The following TRPV2 variants were observed in gnomAD, a reference collection of about 807,000 sequenced individuals.
TRPV2 encodes OTRPC2.
Under a neutral mutation model 91.0 loss-of-function variants are expected in TRPV2, and 58 were observed. That is an observed-to-expected ratio of 0.64 (90% CI 0.52 to 0.79). The LOEUF is 0.79. TRPV2 is among the 30% of genes least tolerant of loss of function. The pLI is 0.00. For missense variants in TRPV2, 807 were observed against 969.6 expected (o/e 0.83, Z 2.23); for synonymous variants, 417 against 414.8 (o/e 1.01, Z -0.06).
chr17:16,428,581 G>T (rs554858783), intron 9 of TRPV2, 194 bp downstream of exon 9: 136 of 715,804 alleles, frequency 1.9e-4, no homozygotes, highest in South Asian at 1.7e-3. Flanking sequence ...CACTGTAGAT[G>T]GTGATAGTGA....
chr17:16,426,908 T>G lies in TRPV2; in HGVS notation c.1251+31T>G. The stretch of plus-strand genomic sequence containing the variant: ...GGCGTGAGGTTTGGGGGGGCACATC[T>G]TGGGGGAGGCCTGCTTGAAACAACC... On this transcript the variant is annotated intron_variant, in intron 7 of 14. Transcript: ENST00000338560. The surrounding 1 kb of genome is among the most constrained non-coding windows in gnomAD (Gnocchi z 6.0). The G allele has an allele frequency of 6.5e-7, 1 of 1,530,406 alleles. No individual in the cohort carries two copies. 94.8% of individuals were successfully genotyped at this position (1,530,406 alleles called of 1,614,324 possible).
At chr17:16,431,477 T>C (rs1029485883) in intron 10 of TRPV2, among the ~76,000 whole-genome samples, 2 of 151,308 alleles carry the variant, frequency 1.3e-5, no homozygotes, top group African/African-American at 4.9e-5. Context: ...TTTTGTATTT[T>C]TAGTAGAAAC....
intron 10 of TRPV2, among the ~76,000 whole-genome samples, chr17:16,429,865 CT>C (rs1258444350): frequency 0.015 from 2,145 of 144,172 alleles, 52 homozygotes; most frequent in African/African-American, 0.05. Context: ...TAACATGGAA[CT>C]TTTTTTTTTT....
At position 16,426,200 on chromosome 17, in the gene TRPV2, C is replaced by T; in HGVS notation, c.1026C>T (p.Asp342=). ...CYGPVRVSLY[D]LASVDSCEEN... is the part of the protein sequence containing the mutation. The stretch of plus-strand genomic sequence containing the variant: ...GGCCTGTCCGGGTGTCGCTGTATGA[C>T]CTGGCTTCTGTGGACAGCTGTGAGG... Residue 342 remains aspartate (D), a synonymous_variant, in exon 6 of 15, where the codon GAC becomes GAT. Transcript: ENST00000338560. This position sits in a 1 kb window ranked among gnomAD's most constrained non-coding sequence, Gnocchi z 6.0. 1.9e-6 allele frequency: 3 copies of T among 1,614,194 alleles called. No individual in the cohort carries two copies. The highest frequency in any genetic ancestry group is 1.1e-5 in the South Asian group (1 of 91,078).
chr17:16,432,651 C>T (rs1051632532), intron 12 of TRPV2, among the ~76,000 whole-genome samples: 2 of 151,820 alleles, frequency 1.3e-5, no homozygotes, highest in East Asian at 1.9e-4. Context: ...TATGTTGCCC[C>T]GGCCTCAGGT....
Position 16,426,574 on chromosome 17 carries a change from G to A in TRPV2, c.1096-148G>A, listed in dbSNP as rs866635035. 9 of 949,002 alleles carry A rather than the reference G, an allele frequency of 9.5e-6. No homozygotes were observed. Among genetic ancestry groups the A allele is most frequent in the African/African-American group, 1.7e-5 (1 of 60,226 alleles). 58.8% of individuals were successfully genotyped at this position (949,002 alleles called of 1,614,324 possible). On this transcript the variant is annotated intron_variant, in intron 6 of 14. Transcript: ENST00000338560. The surrounding 1 kb of genome is among the most constrained non-coding windows in gnomAD (Gnocchi z 6.0). Reference sequence around the variant, plus strand: ...TCACACTGTAGCTGGGAGGGTTGGCGTGAGGTCCTTTGGGGCTCCTGGGGT... The same window carrying A: ...TCACACTGTAGCTGGGAGGGTTGGCATGAGGTCCTTTGGGGCTCCTGGGGT...
rs2093430495 is a variant in TRPV2, at chr17:16,435,272, T to C, written c.2194+303T>C. Reference sequence around the variant, plus strand: ...CCAGTCAGTCACACCCTTTGCCCATTCAATTGGTTATCGAGGGTCTGTCCC... The same window carrying C: ...CCAGTCAGTCACACCCTTTGCCCATCCAATTGGTTATCGAGGGTCTGTCCC... On this transcript the variant is annotated intron_variant, in intron 14 of 14. Transcript: ENST00000338560. This position sits in a 1 kb window ranked among gnomAD's most constrained non-coding sequence, Gnocchi z 4.2. Among the ~76,000 whole-genome samples the C allele has an allele frequency of 6.6e-6, 1 of 152,088 alleles. No individual in the cohort carries two copies.
intron 10 of TRPV2, among the ~76,000 whole-genome samples, chr17:16,430,883 A>C (rs1431841387): frequency 6.6e-6 from 1 of 151,970 alleles, no homozygotes; most frequent in Non-Finnish European, 1.5e-5. Flanking sequence ...TGTTGCTTCC[A>C]CCTTTTGACC....
intron 4 of TRPV2, 71 bp downstream of exon 4, chr17:16,422,960 T>C (rs2093365719): frequency 2.0e-6 from 3 of 1,486,010 alleles, no homozygotes; most frequent in South Asian, 1.3e-5. Flanking sequence ...ACATGGTTAG[T>C]GTATGACAGA....
intron 9 of TRPV2, 53 bp from the exon 10 acceptor site, chr17:16,428,764 G>A: frequency 6.2e-7 from 1 of 1,608,458 alleles, no homozygotes; most frequent in South Asian, 1.1e-5. Flanking sequence ...GGCCAGTGGG[G>A]GCTCAGGGAG....
intron 13 of TRPV2, 129 bp downstream of exon 13, chr17:16,433,827 G>A (rs2093423971): frequency 1.5e-6 from 2 of 1,350,176 alleles, no homozygotes; most frequent in African/African-American, 2.9e-5. Flanking sequence ...GAGCACCAGG[G>A]ACTGAGCCTG....
rs2093435738 is a variant in TRPV2, at chr17:16,436,828, A to C, written c.2234A>C (p.Glu745Ala). ...CCTGTCCTGGCTTCCCCTCCCAAGG[A>C]GGATGAGGATGGTGCCTCTGAGGAA... ...ENPVLASPPKEDEDGASEENY... is the reference protein window; with the variant it reads ...ENPVLASPPKADEDGASEENY... The change falls in exon 15 of 15, where the codon GAG (glutamate) becomes GCG (alanine). Residue 745 changes from glutamate (E) to alanine (A), a missense_variant. Physicochemically the swap from Glu to Ala is moderately radical, Grantham distance 107. Transcript: ENST00000338560. 6.2e-7 allele frequency: 1 copy of C among 1,613,912 alleles called. No individual in the cohort carries two copies. The highest frequency in any genetic ancestry group is 1.1e-5 in the South Asian group (1 of 91,086).
chr17:16,434,862 A>C (rs1156286577), intron 13 of TRPV2, 28 bp from the exon 14 acceptor site: 9 of 1,605,692 alleles, frequency 5.6e-6, no homozygotes, highest in Non-Finnish European at 7.6e-6. Flanking sequence ...AAAGCAGGCA[A>C]ACCTCAGAGC....
chr17:16,419,803 G>C (rs2093347853), intron 2 of TRPV2, among the ~76,000 whole-genome samples: 1 of 152,184 alleles, frequency 6.6e-6, no homozygotes, highest in South Asian at 2.1e-4. Flanking sequence ...GTGGGATATC[G>C]AGGCTGTTGA....
chr17:16,423,784 T>G lies in TRPV2; in HGVS notation c.924+17T>G. ...AAGATCGAGGTGAGCGGCTGTCCCC[T>G]TCCCACTTCCCCTCTCCAGGAAGCA... On this transcript the variant is annotated intron_variant, in intron 5 of 14. Transcript: ENST00000338560. 1 of 1,538,252 alleles carries G rather than the reference T, an allele frequency of 6.5e-7. No homozygotes were observed. Among genetic ancestry groups the G allele is most frequent in the Non-Finnish European group, 8.8e-7 (1 of 1,140,102 alleles).
intron 3 of TRPV2, 140 bp from the exon 4 acceptor site, chr17:16,422,459 G>T (rs530703177): frequency 6.6e-6 from 5 of 761,644 alleles, no homozygotes; most frequent in Non-Finnish European, 1.0e-5. Context: ...TAACATGGTT[G>T]TGCTCCCACC....
At chr17:16,424,430 G>A (rs1727152115) in intron 5 of TRPV2, among the ~76,000 whole-genome samples, 1 of 152,078 alleles carries the variant, frequency 6.6e-6, no homozygotes, top group South Asian at 2.1e-4. Flanking sequence ...AAAGTGCTGG[G>A]ATTACAGGCA....
At chr17:16,436,646 G>C (rs8071163) in intron 14 of TRPV2, 143 bp from the exon 15 acceptor site, 1 of 665,306 alleles carries the variant, frequency 1.5e-6, no homozygotes, top group Non-Finnish European at 2.7e-6. Flanking sequence ...GGGAAGCAGG[G>C]AGAAGGATTG....
At position 16,432,086 on chromosome 17, in the gene TRPV2, G is replaced by A. The variant is rs948901390; in HGVS notation, c.1775G>A (p.Gly592Asp). Reference protein sequence around the residue: ...EDEGNGAQYRGILEASLELFK... With the variant: ...EDEGNGAQYRDILEASLELFK... ...GAGGGCAACGGGGCCCAGTACAGGG[G>A]TATCCTGGAAGCCTCCTTGGAGCTC... The change falls in exon 12 of 15, where the codon GGT becomes GAT. Residue 592 changes from glycine to aspartate, a missense_variant. Transcript: ENST00000338560. 1.2e-6 allele frequency: 2 copies of A among 1,614,202 alleles called. No homozygotes were observed. Among genetic ancestry groups the A allele is most frequent in the Non-Finnish European group, 1.7e-6 (2 of 1,180,022 alleles).
Sources: allele counts gnomAD v4.1 joint callset (sites outside exome capture counted in the v4.1 genomes callset), GRCh38; gene constraint gnomAD v4.1.1; non-coding constraint Gnocchi (gnomAD v3.1); transcripts MANE v1.5; gene names NCBI Gene and HGNC (gene_info 2026-07-23, HGNC 2026-07-21).